Variants in GPHN observed in about 807,000 individuals in gnomAD.
GPHN encodes the protein gephyrin.
Under a neutral mutation model 95.5 loss-of-function variants are expected in GPHN, and 17 were observed. The observed-to-expected ratio is 0.18, with a 90% CI of 0.12 to 0.27. The LOEUF (loss-of-function observed/expected upper bound fraction) is 0.27, where lower values mean the gene tolerates loss of function less well. Ranked by LOEUF, GPHN falls within the 10% of genes least tolerant of loss-of-function variation. The pLI, the probability that GPHN is intolerant of heterozygous loss-of-function variation, is 1.00. For missense variants in GPHN, 660 were observed against 978.1 expected, an observed-to-expected ratio of 0.67 and a Z score of 4.34; for synonymous variants, 320 against 322.5, an observed-to-expected ratio of 0.99 and a Z score of 0.08.
At chr14:67,004,434 C>CA (rs2072459946) in intron 9 of GPHN, among the ~76,000 whole-genome samples, 1 of 151,536 alleles carries the variant, frequency 6.6e-6, no homozygotes, top group Non-Finnish European at 1.5e-5. Context: ...GAGAATGTTG[C>CA]AAAAATTAAA....
At chr14:67,332,867 G>A in the GPHN span, 50 of 1,613,826 alleles carry the variant, frequency 3.1e-5, no homozygotes, top group Admixed American at 6.7e-4. Context: ...TGTGAATTCC[G>A]ATCTTGATAA....
chr14:67,666,292 A>C, the GPHN span, among the ~76,000 whole-genome samples: 1 of 152,218 alleles, frequency 6.6e-6, no homozygotes, highest in Non-Finnish European at 1.5e-5. Flanking sequence ...CAAATTCTAG[A>C]ATGATTCCAG....
At chr14:67,100,454 T>C (rs1217518023) in intron 12 of GPHN, among the ~76,000 whole-genome samples, 1 of 151,904 alleles carries the variant, frequency 6.6e-6, no homozygotes, top group African/African-American at 2.4e-5. Flanking sequence ...AATCCATTTA[T>C]ATATATATAT....
intron 1 of GPHN, among the ~76,000 whole-genome samples, chr14:66,548,527 A>G (rs988904965): frequency 5.8e-4 from 89 of 152,192 alleles, no homozygotes; most frequent in African/African-American, 2.1e-3. Flanking sequence ...TCCATATAAT[A>G]TGGTGAACAT....
chr14:66,600,246 T>C (rs927664495), intron 1 of GPHN, among the ~76,000 whole-genome samples: 6 of 152,246 alleles, frequency 3.9e-5, no homozygotes, highest in African/African-American at 1.2e-4. Flanking sequence ...TTTTAAAACC[T>C]AGTCCTTATT....
the GPHN span, among the ~76,000 whole-genome samples, chr14:67,476,764 A>G: frequency 6.6e-6 from 1 of 151,996 alleles, no homozygotes; most frequent in Non-Finnish European, 1.5e-5. Flanking sequence ...CTACTGCAGA[A>G]CTCATCCCCT....
chr14:67,107,361 T>G (rs561283068), intron 13 of GPHN, among the ~76,000 whole-genome samples: 2 of 152,250 alleles, frequency 1.3e-5, no homozygotes, highest in East Asian at 3.9e-4. Flanking sequence ...TTGTGGCACC[T>G]GGTTCTTGGG....
chr14:67,726,036 G>A, the GPHN span: 1 of 1,573,982 alleles, frequency 6.4e-7, no homozygotes, highest in Non-Finnish European at 8.7e-7. Context: ...GGATCTCTTT[G>A]GTTGTGCCCT....
intron 3 of GPHN, among the ~76,000 whole-genome samples, chr14:66,805,989 C>T (rs1479045803): frequency 1.3e-5 from 2 of 152,220 alleles, no homozygotes; most frequent in Admixed American, 1.3e-4. Flanking sequence ...TCTGCACTGC[C>T]CTAGCAGAGG....
chr14:67,481,882 C>G, the GPHN span, among the ~76,000 whole-genome samples: 2 of 152,168 alleles, frequency 1.3e-5, no homozygotes, highest in Non-Finnish European at 2.9e-5. Flanking sequence ...TGGTGACAAA[C>G]AAAACTGTCC....
At chr14:67,693,981 AT>A in the GPHN span, among the ~76,000 whole-genome samples, 1 of 152,080 alleles carries the variant, frequency 6.6e-6, no homozygotes, top group Non-Finnish European at 1.5e-5. Context: ...ACTATACTAT[AT>A]TGCCTTTTCC....
the GPHN span, chr14:67,387,380 G>A: frequency 6.2e-7 from 1 of 1,610,982 alleles, no homozygotes; most frequent in Non-Finnish European, 8.5e-7. Context: ...CAGCCTTGCT[G>A]CTGGCCTGAA....
chr14:67,660,396 C>A, the GPHN span, among the ~76,000 whole-genome samples: 1 of 151,866 alleles, frequency 6.6e-6, no homozygotes, highest in Non-Finnish European at 1.5e-5. Flanking sequence ...CATAGCAAGA[C>A]CTCATCTCTA....
At chr14:66,905,410 T>G (rs2065332089) in intron 5 of GPHN, among the ~76,000 whole-genome samples, 1 of 152,156 alleles carries the variant, frequency 6.6e-6, no homozygotes, top group African/African-American at 2.4e-5. Flanking sequence ...TATTGCTGTT[T>G]CATTAGGGCC....
chr14:67,407,736 C>T, the GPHN span, among the ~76,000 whole-genome samples: 13 of 152,218 alleles, frequency 8.5e-5, no homozygotes, highest in South Asian at 2.5e-3. Flanking sequence ...GCCACCACAC[C>T]CGGCAGACCC....
At chr14:67,115,868 T>C (rs896965255) in intron 16 of GPHN, among the ~76,000 whole-genome samples, 2 of 152,206 alleles carry the variant, frequency 1.3e-5, no homozygotes, top group African/African-American at 4.8e-5. Context: ...ACTCTAAAAC[T>C]TGCCCCAGTA....
the GPHN span, among the ~76,000 whole-genome samples, chr14:67,689,214 C>T: frequency 9.2e-5 from 14 of 152,192 alleles, no homozygotes; most frequent in African/African-American, 3.4e-4. Context: ...CTGAGCTAAC[C>T]ACCAGTTTCC....
the GPHN span, chr14:67,383,287 G>T: frequency 2.5e-6 from 4 of 1,609,158 alleles, no homozygotes; most frequent in African/African-American, 5.4e-5. Flanking sequence ...TACTACTTCA[G>T]TTTGAAATTA....
At chr14:66,749,165 A>C (rs537054200) in intron 2 of GPHN, among the ~76,000 whole-genome samples, 1 of 151,894 alleles carries the variant, frequency 6.6e-6, no homozygotes, top group Non-Finnish European at 1.5e-5. Context: ...AGTTTCCTCC[A>C]TGTCTTTTCA....
Sources: allele counts gnomAD v4.1 joint callset (sites outside exome capture counted in the v4.1 genomes callset), GRCh38; gene constraint gnomAD v4.1.1; transcripts MANE v1.5; gene names NCBI Gene and HGNC (gene_info 2026-07-23, HGNC 2026-07-21).